The following ERC1 variants were observed in gnomAD, a reference collection of about 807,000 sequenced individuals.
The protein encoded by ERC1 is ELKS/RAB6-interacting/CAST family member 1.
In ERC1, 56 loss-of-function variants were observed where a neutral mutation model predicts 132.0. The observed-to-expected ratio is 0.42, with a 90% CI of 0.34 to 0.53. The LOEUF (loss-of-function observed/expected upper bound fraction) is 0.53, where lower values mean the gene tolerates loss of function less well. ERC1 is among the 20% of genes least tolerant of loss of function. ERC1 has a pLI of 0.03. For synonymous variants in ERC1, 478 were observed against 476.1 expected (o/e 1.00, Z -0.05); for missense variants, 1,202 against 1,349.9 (o/e 0.89, Z 1.72).
intron 8 of ERC1, among the ~76,000 whole-genome samples, chr12:1,146,282 C>A (rs1045258400): frequency 5.0e-5 from 4 of 80,690 alleles, no homozygotes; most frequent in African/African-American, 2.1e-4. Context: ...AGAGGTCTTT[C>A]ATTTCCTTGT....
At chr12:1,410,408 G>A in intron 17 of ERC1, 1 of 1,325,106 alleles carries the variant, frequency 7.5e-7, no homozygotes, top group African/African-American at 1.5e-5. Flanking sequence ...GAGGGTATAT[G>A]GGCATAGCCA....
At chr12:1,031,223 ATATTCCAGATCCTCCCATCTAC>A (rs1967973855) in intron 2 of ERC1, among the ~76,000 whole-genome samples, 2 of 152,218 alleles carry the variant, frequency 1.3e-5, no homozygotes, top group African/African-American at 4.8e-5. Flanking sequence ...AAAGCAAAAT[ATATTCCAGATCCTCCCATCTAC>A]TGACAACTTT....
chr12:1,460,442 C>A (rs913141688), intron 18 of ERC1, among the ~76,000 whole-genome samples: 1 of 152,118 alleles, frequency 6.6e-6, no homozygotes, highest in Non-Finnish European at 1.5e-5. Context: ...AGCAGTGCTG[C>A]CAGTTACACC....
At chr12:1,424,935 G>A (rs1026179669) in intron 17 of ERC1, among the ~76,000 whole-genome samples, 6 of 152,084 alleles carry the variant, frequency 3.9e-5, no homozygotes, top group Non-Finnish European at 7.4e-5. Flanking sequence ...TCCACAGGTC[G>A]ATAATAGCTC....
At chr12:990,365 A>AC (rs71441635), upstream of ERC1, 10 of 151,826 alleles carry the variant, frequency 6.6e-5, no homozygotes, top group African/African-American at 1.7e-4. Flanking sequence ...CAAAAAAAAA[A>AC]CAAAAAACAA....
intron 16 of ERC1, among the ~76,000 whole-genome samples, chr12:1,376,631 G>C (rs532810368): frequency 6.6e-6 from 1 of 152,360 alleles, no homozygotes; most frequent in South Asian, 2.1e-4. Flanking sequence ...TTTCCATGAA[G>C]AAGACTAAGC....
intron 17 of ERC1, among the ~76,000 whole-genome samples, chr12:1,435,122 C>CTAT (rs1449510835): frequency 6.6e-6 from 1 of 152,144 alleles, no homozygotes; most frequent in African/African-American, 2.4e-5. Context: ...TCCATGGGAT[C>CTAT]TATTCATGGT....
intron 16 of ERC1, among the ~76,000 whole-genome samples, chr12:1,386,317 G>A (rs537774915): frequency 6.6e-6 from 1 of 151,308 alleles, no homozygotes; most frequent in South Asian, 2.1e-4. Flanking sequence ...GATTACAGGC[G>A]CAAACCACTG....
At chr12:1,416,189 A>G (rs2092111045) in intron 17 of ERC1, among the ~76,000 whole-genome samples, 1 of 152,226 alleles carries the variant, frequency 6.6e-6, no homozygotes, top group Non-Finnish European at 1.5e-5. Context: ...GAATATCTGT[A>G]GGTTACCCAA....
rs1345091089 is a variant in ERC1, at chr12:1,230,003, TC to T, written c.2352-6765del. Among the ~76,000 whole-genome samples the T allele has an allele frequency of 4.4e-5, 6 of 136,512 alleles. No individual in the cohort carries two copies. In the East Asian group the frequency reaches 1.2e-3, roughly 28 times the overall value. 89.6% of individuals were successfully genotyped at this position (136,512 alleles called of 152,430 possible). On this transcript the variant is annotated intron_variant, in intron 12 of 18. Coordinates refer to ENST00000360905, the MANE Select transcript of ERC1 (RefSeq NM_178040.4). ...TATTTGCCTGAAGATACTTTTTGACTCTTTTTTTTTTTTTTTTTTTTGAGTT... is the reference window on the plus strand; with the variant it reads ...TATTTGCCTGAAGATACTTTTTGACTTTTTTTTTTTTTTTTTTTTTGAGTT...
chr12:1,202,781 C>T (rs1045559094), intron 12 of ERC1, among the ~76,000 whole-genome samples: 4 of 151,946 alleles, frequency 2.6e-5, no homozygotes, highest in Non-Finnish European at 4.4e-5. Context: ...CCATTTTTTC[C>T]CATGGATTTA....
chr12:1,276,027 A>G (rs1055740380), intron 14 of ERC1, among the ~76,000 whole-genome samples: 2 of 152,186 alleles, frequency 1.3e-5, no homozygotes, highest in Non-Finnish European at 2.9e-5. Flanking sequence ...TTCTAGGTCG[A>G]AAACAAGTGC....
chr12:1,400,922 T>A (rs796912755), intron 16 of ERC1, among the ~76,000 whole-genome samples: 1,005 of 55,828 alleles, frequency 0.018, 13 homozygotes, highest in African/African-American at 0.098. Context: ...TTGTATTTTT[T>A]TTTTTTTTTT....
In ERC1 at chr12:1,083,864, A is replaced by AT. The variant is rs376333844; in HGVS notation, c.1086+289dup. Among the ~76,000 whole-genome samples the AT allele has an allele frequency of 3.0e-4, 46 of 152,184 alleles. 1 individual carries two copies. In the East Asian group the frequency reaches 6.8e-3, roughly 22 times the overall value. On this transcript the variant is annotated intron_variant, in intron 3 of 18. Transcript: ENST00000360905. The stretch of plus-strand genomic sequence containing the variant: ...TGCTAAAGGGGTAAAAAATTCCTTG[A>AT]TTTTTCACTCATCTCTAGATCTGTT...
At position 1,112,244 on chromosome 12, in the gene ERC1, G is replaced by T; in HGVS notation, c.1347G>T (p.Ser449=). 1 of 1,612,314 alleles carries T rather than the reference G, an allele frequency of 6.2e-7. No individual in the cohort carries two copies. Among genetic ancestry groups the T allele is most frequent in the South Asian group, 1.1e-5 (1 of 91,044 alleles). ...AACAACTGAAGGAGGAACTAAGTTC[G>T]AAAGAGGCTCAATGGGAGGAGCTGA... The part of the protein sequence containing the change: ...KVEQLKEELS[S]KEAQWEELKK... The change falls in exon 6 of 19, where the codon TCG becomes TCT. Residue 449 remains serine, a synonymous_variant. Coordinates refer to ENST00000360905, the MANE Select transcript of ERC1 (RefSeq NM_178040.4).
intron 17 of ERC1, among the ~76,000 whole-genome samples, chr12:1,424,028 G>A (rs2092525429): frequency 6.6e-6 from 1 of 151,866 alleles, no homozygotes; most frequent in Admixed American, 6.6e-5. Context: ...TTTCGTGTGT[G>A]TATGTACGTG....
intron 16 of ERC1, among the ~76,000 whole-genome samples, chr12:1,400,807 GAT>G (rs1384933413): frequency 6.7e-6 from 1 of 150,036 alleles, no homozygotes; most frequent in Non-Finnish European, 1.5e-5. Flanking sequence ...TCTTTATGCT[GAT>G]AACACACTGT....
intron 18 of ERC1, among the ~76,000 whole-genome samples, chr12:1,488,690 A>G (rs1268208333): frequency 6.6e-6 from 1 of 152,154 alleles, no homozygotes; most frequent in African/African-American, 2.4e-5. Context: ...ACTAGACTTT[A>G]TATTCCATTT....
In ERC1 at chr12:1,225,187, G is replaced by C. The variant is rs918070445; in HGVS notation, c.2352-11582G>C. On this transcript the variant is annotated intron_variant, in intron 12 of 18. Coordinates refer to ENST00000360905, the MANE Select transcript of ERC1 (RefSeq NM_178040.4). The stretch of plus-strand genomic sequence containing the variant: ...CATTAGTATGTCTGTGAGCCAGGTG[G>C]AATGCTCACACCTGTAATCTCAGCA... 3.9e-5 allele frequency among the ~76,000 whole-genome samples: 6 copies of C among 151,914 alleles called. No individual in the cohort carries two copies. In the East Asian group the frequency reaches 9.7e-4, roughly 25 times the overall value.
Sources: allele counts gnomAD v4.1 joint callset (sites outside exome capture counted in the v4.1 genomes callset), GRCh38; gene constraint gnomAD v4.1.1; transcripts MANE v1.5; gene names NCBI Gene and HGNC (gene_info 2026-07-23, HGNC 2026-07-21).